Variants in EXOC4 observed in about 807,000 individuals in gnomAD.
EXOC4 encodes the protein SEC8-like 1.
In EXOC4, 71 loss-of-function variants were observed where a neutral mutation model predicts 107.2. That is an observed-to-expected ratio of 0.66 (90% CI 0.55 to 0.81). The LOEUF is 0.81. Among genes scored for constraint, EXOC4 ranks in the 30% least tolerant of loss-of-function variants. EXOC4 has a pLI of 0.00. For missense variants in EXOC4, 1,108 were observed against 1,189.6 expected (o/e 0.93, Z 1.01); for synonymous variants, 456 against 441.2 (o/e 1.03, Z -0.42).
At chr7:134,094,957 A>G in the EXOC4 span, among the ~76,000 whole-genome samples, 1 of 152,110 alleles carries the variant, frequency 6.6e-6, no homozygotes, top group Non-Finnish European at 1.5e-5. Context: ...AGTCCAAGCC[A>G]CAGCAATCAA....
At chr7:133,312,522 C>A (rs1794898095) in intron 4 of EXOC4, among the ~76,000 whole-genome samples, 1 of 151,892 alleles carries the variant, frequency 6.6e-6, no homozygotes. Flanking sequence ...AATAATAATA[C>A]AATTACTGAT....
rs370803826 is a variant in EXOC4 at position 134,064,294 on chromosome 7, G to A, written c.2691G>A (p.Gln897=). 2 of 1,453,932 alleles carry A rather than the reference G, an allele frequency of 1.4e-6. No homozygotes were observed. The highest frequency in any genetic ancestry group is 1.5e-5 in the South Asian group (1 of 65,812). 90.1% of individuals were successfully genotyped at this position (1,453,932 alleles called of 1,614,324 possible). ...GTGTTCTCTCTTGCTTTCTCAGGCA[G>A]TACTACGAGATGCTTTACAACACAG... ...SREADLDFAR[Q]YYEMLYNTAD... Residue 897 remains glutamine, a synonymous_variant, in exon 18 of 18, where the codon CAG becomes CAA. Transcript: ENST00000253861.
At chr7:133,643,691 A>G (rs571769431) in intron 10 of EXOC4, among the ~76,000 whole-genome samples, 3 of 152,358 alleles carry the variant, frequency 2.0e-5, no homozygotes, top group African/African-American at 7.2e-5. Context: ...AAAGTTAACA[A>G]TACTTAAATG....
At chr7:133,990,821 T>G (rs1156916757) in intron 14 of EXOC4, among the ~76,000 whole-genome samples, 1 of 152,150 alleles carries the variant, frequency 6.6e-6, no homozygotes, top group Admixed American at 6.6e-5. Flanking sequence ...TCTTCCACCA[T>G]TCATGAATTG....
chr7:133,276,805 C>T (rs533723207), intron 2 of EXOC4, among the ~76,000 whole-genome samples: 1 of 152,160 alleles, frequency 6.6e-6, no homozygotes, highest in Non-Finnish European at 1.5e-5. Context: ...GTCCATTAGA[C>T]TTATATTATG....
rs936986487 is a variant in EXOC4, at chr7:133,967,548, A to G, written c.2206+29479A>G. ...TTGTGTCTTTGTTCTCATTGGTTTC[A>G]AAGAACGTATTTATTTCTGCCTTCA... On this transcript the variant is annotated intron_variant, in intron 14 of 17. Coordinates refer to ENST00000253861, the MANE Select transcript of EXOC4 (RefSeq NM_021807.4). 4.6e-5 allele frequency among the ~76,000 whole-genome samples: 7 copies of G among 152,282 alleles called. No homozygotes were observed. In the South Asian group the frequency reaches 1.5e-3, roughly 32 times the overall value.
chr7:134,073,782 G>T, the EXOC4 span, among the ~76,000 whole-genome samples: 3 of 152,142 alleles, frequency 2.0e-5, no homozygotes, highest in Admixed American at 2.0e-4. Flanking sequence ...GGGGGTTTTG[G>T]TGAGAGGCTT....
At chr7:133,748,121 G>C (rs886432343) in intron 10 of EXOC4, among the ~76,000 whole-genome samples, 1 of 152,092 alleles carries the variant, frequency 6.6e-6, no homozygotes, top group African/African-American at 2.4e-5. Flanking sequence ...AGAGCTGCTG[G>C]TGTATTATGA....
At chr7:133,388,878 A>C (rs1796788366) in intron 7 of EXOC4, among the ~76,000 whole-genome samples, 1 of 152,274 alleles carries the variant, frequency 6.6e-6, no homozygotes, top group East Asian at 1.9e-4. Context: ...TTATTTATTG[A>C]AGAAACTATA....
chr7:133,534,945 A>G (rs1354379265), intron 9 of EXOC4, among the ~76,000 whole-genome samples: 1 of 152,142 alleles, frequency 6.6e-6, no homozygotes, highest in Admixed American at 6.6e-5. Context: ...TGATACTTGT[A>G]TAGATGTGTC....
At chr7:133,899,897 C>T (rs1799413439) in intron 12 of EXOC4, among the ~76,000 whole-genome samples, 1 of 152,010 alleles carries the variant, frequency 6.6e-6, no homozygotes, top group South Asian at 2.1e-4. Context: ...AGGCACAAGC[C>T]ACCATGCCCA....
At chr7:134,088,078 A>G in the EXOC4 span, among the ~76,000 whole-genome samples, 1 of 152,140 alleles carries the variant, frequency 6.6e-6, no homozygotes, top group Non-Finnish European at 1.5e-5. Flanking sequence ...TAGCTCTCCT[A>G]GGCCTGATAG....
At chr7:133,905,329 C>G (rs1799541944) in intron 12 of EXOC4, among the ~76,000 whole-genome samples, 1 of 152,146 alleles carries the variant, frequency 6.6e-6, no homozygotes, top group Admixed American at 6.5e-5. Context: ...AGGTTACATG[C>G]TTTGGATAAA....
chr7:133,515,315 A>G, intron 9 of EXOC4, among the ~76,000 whole-genome samples: 1 of 148,188 alleles, frequency 6.7e-6, no homozygotes, highest in South Asian at 2.2e-4. Flanking sequence ...TACTCCAATC[A>G]GTAGCCCAAG....
intron 10 of EXOC4, among the ~76,000 whole-genome samples, chr7:133,785,673 T>C (rs924810704): frequency 1.3e-4 from 5 of 37,620 alleles, no homozygotes; most frequent in Non-Finnish European, 2.3e-4. Flanking sequence ...ATGTTTTGTT[T>C]TTGTTTTTGT....
At chr7:133,558,463 T>C (rs1455507093) in intron 9 of EXOC4, among the ~76,000 whole-genome samples, 1 of 152,090 alleles carries the variant, frequency 6.6e-6, no homozygotes, top group African/African-American at 2.4e-5. Flanking sequence ...GCACAAATAA[T>C]AGTTTAAGTT....
intron 11 of EXOC4, among the ~76,000 whole-genome samples, chr7:133,865,719 G>GGA (rs1407310262): frequency 1.3e-5 from 2 of 152,088 alleles, no homozygotes; most frequent in South Asian, 2.1e-4. Flanking sequence ...TTGCAGAGCA[G>GGA]GAGAGAGAGA....
At chr7:133,465,331 C>G (rs145028519) in intron 7 of EXOC4, among the ~76,000 whole-genome samples, 68 of 152,144 alleles carry the variant, frequency 4.5e-4, no homozygotes, top group African/African-American at 1.6e-3. Flanking sequence ...TTTTATTTGT[C>G]TTTGTTTTTT....
intron 2 of EXOC4, among the ~76,000 whole-genome samples, chr7:133,278,935 CATTAGGT>C (rs961699346): frequency 1.8e-4 from 28 of 152,014 alleles, no homozygotes; most frequent in African/African-American, 6.5e-4. Context: ...CGTCATTTAG[CATTAGGT>C]ATATATCCTA....
Sources: gnomAD v4.1 joint callset for allele counts (sites outside exome capture counted in the v4.1 genomes callset) on GRCh38, gnomAD v4.1.1 for gene constraint, MANE v1.5 for transcripts, NCBI Gene and HGNC (gene_info 2026-07-23, HGNC 2026-07-21) for gene names.